COL6A6: variants seen among roughly 807,000 people sequenced by gnomAD.
The protein encoded by COL6A6 is collagen alpha-6(VI) chain.
In COL6A6, 183 loss-of-function variants were observed where a neutral mutation model predicts 208.6. The ratio of observed to expected loss-of-function variants is 0.88; its 90% CI spans 0.78 to 0.99. The LOEUF (loss-of-function observed/expected upper bound fraction) is 0.99, where lower values mean the gene tolerates loss of function less well. Among genes scored for constraint, COL6A6 ranks in the 50% least tolerant of loss-of-function variants. COL6A6 has a pLI of 0.00. For synonymous variants in COL6A6, 973 were observed against 1,011.8 expected, an observed-to-expected ratio of 0.96 and a Z score of 0.73; for missense variants, 2,816 against 2,815.2, an observed-to-expected ratio of 1.00 and a Z score of -0.01.
In COL6A6 at chr3:130,627,301, C is replaced by G. The variant is rs147960549; in HGVS notation, c.4942-18C>G. On this transcript the variant is annotated intron_variant, in intron 25 of 36. Transcript: ENST00000358511. ...ATCTGTAGTCTGGGATGTTGGTAAT[C>G]AATTGCTCTGTTTACAGGGCAATGA... 20 of 1,609,670 alleles carry G rather than the reference C, an allele frequency of 1.2e-5. No homozygotes were observed. The East Asian group carries it at 4.5e-4, about 36-fold the overall frequency.
Position 130,610,707 on chromosome 3 carries a change from C to G in COL6A6, c.4811C>G (p.Pro1604Arg), listed in dbSNP as rs2064331028. 12 of 1,581,110 alleles carry G rather than the reference C, an allele frequency of 7.6e-6. No individual in the cohort carries two copies. Among genetic ancestry groups the G allele is most frequent in the Admixed American group, 1.8e-5 (1 of 55,640 alleles). ...AAAGGAGGTGTGGGAAGTAAAGGTC[C>G]CCAGGTATGTAATGAGAAAAATGAT... Reference protein sequence around the residue: ...GEKGGVGSKGPQGPPGPGGEA... With the variant: ...GEKGGVGSKGRQGPPGPGGEA... The change falls in exon 23 of 37, where the codon CCC becomes CGC. Residue 1604 changes from proline to arginine, a missense_variant. Pro to Arg is a moderately radical substitution (Grantham distance 103). Coordinates refer to ENST00000358511, the MANE Select transcript of COL6A6 (RefSeq NM_001102608.3).
chr3:130,560,229 C>T, intron 1 of COL6A6, 105 bp from the exon 2 acceptor site: 1 of 607,896 alleles, frequency 1.6e-6, no homozygotes. Context: ...AATTCCTTGT[C>T]CCCTGTTACA....
intron 1 of COL6A6, among the ~76,000 whole-genome samples, chr3:130,556,931 C>G (rs549679233): frequency 6.6e-6 from 1 of 152,102 alleles, no homozygotes; most frequent in Non-Finnish European, 1.5e-5. Flanking sequence ...TCAAAACAGG[C>G]GTTCAGTGTT....
intron 29 of COL6A6, among the ~76,000 whole-genome samples, chr3:130,642,193 G>A (rs184370108): frequency 6.6e-6 from 1 of 151,240 alleles, no homozygotes; most frequent in Non-Finnish European, 1.5e-5. Context: ...GAACACATAA[G>A]ATTAAAACCA....
intron 3 of COL6A6, among the ~76,000 whole-genome samples, chr3:130,564,156 A>G (rs2062961910): frequency 6.6e-6 from 1 of 152,258 alleles, no homozygotes; most frequent in African/African-American, 2.4e-5. Flanking sequence ...GCCTTGGCCC[A>G]GGGGCCAGGC....
intron 12 of COL6A6, among the ~76,000 whole-genome samples, chr3:130,590,283 A>T (rs867092905): frequency 1.3e-4 from 2 of 15,970 alleles, no homozygotes; most frequent in Non-Finnish European, 2.3e-4. Context: ...ATATATATAT[A>T]TATATATATA....
intron 23 of COL6A6, among the ~76,000 whole-genome samples, chr3:130,619,355 C>T (rs745454902): frequency 6.6e-6 from 1 of 151,976 alleles, no homozygotes; most frequent in African/African-American, 2.4e-5. Context: ...AAAAATGGAC[C>T]AGCTGAGGGA....
rs2063230658 is a variant in COL6A6 at position 130,573,994 on chromosome 3, G to T, written c.3016G>T (p.Asp1006Tyr). 1.2e-6 allele frequency: 2 copies of T among 1,613,100 alleles called. No homozygotes were observed. Among genetic ancestry groups the T allele is most frequent in the Non-Finnish European group, 1.7e-6 (2 of 1,179,308 alleles). The change falls in exon 8 of 37, where the codon GAT becomes TAT. Residue 1006 changes from aspartate to tyrosine, a missense_variant. Physicochemically the swap from Asp to Tyr is radical, Grantham distance 160. Coordinates refer to ENST00000358511, the MANE Select transcript of COL6A6 (RefSeq NM_001102608.3). ...CAAAGTAGATCTTGTTTTCCTTATG[G>T]ATGGTTCAACTAGCATTCAGCCAAA... The part of the protein sequence containing the change: ...IDKVDLVFLM[D>Y]GSTSIQPNDF...
At position 130,621,169 on chromosome 3, in the gene COL6A6, G is replaced by A. The variant is rs141844003; in HGVS notation, c.4816-652G>A. Among the ~76,000 whole-genome samples, 549 of 152,166 alleles carry A rather than the reference G, an allele frequency of 3.6e-3. 4 individuals carry two copies. Among genetic ancestry groups the A allele is most frequent in the African/African-American group, 0.013 (522 of 41,526 alleles). On this transcript the variant is annotated intron_variant, in intron 23 of 36. Transcript: ENST00000358511. ...TAAGTTTTGCTATGTTCTTCAATAA[G>A]ATCTTAAGGCTTTCTTTCTTTAGGT... is the stretch of plus-strand genomic sequence containing the variant.
chr3:130,549,964 A>G (rs1412690409), intron 1 of COL6A6, among the ~76,000 whole-genome samples: 1 of 152,090 alleles, frequency 6.6e-6, no homozygotes, highest in African/African-American at 2.4e-5. Flanking sequence ...ATGTATTTCC[A>G]TTTGTTTGTG....
intron 10 of COL6A6, among the ~76,000 whole-genome samples, chr3:130,586,217 A>G (rs1223656786): frequency 2.6e-5 from 4 of 152,236 alleles, no homozygotes; most frequent in Non-Finnish European, 5.9e-5. Flanking sequence ...TTACTTTAGC[A>G]TGCTCTGTAG....
intron 11 of COL6A6, among the ~76,000 whole-genome samples, chr3:130,587,557 C>T (rs373106822): frequency 1.3e-5 from 2 of 152,208 alleles, no homozygotes; most frequent in African/African-American, 4.8e-5. Context: ...GTATTTCTTT[C>T]AAAAACATAC....
chr3:130,581,391 G>A (rs551550777), intron 8 of COL6A6, among the ~76,000 whole-genome samples, 170 bp from the exon 9 acceptor site: 1 of 152,242 alleles, frequency 6.6e-6, no homozygotes, highest in South Asian at 2.1e-4. Context: ...ACTTTTACAG[G>A]TTAGAAAAGA....
rs1205984876 is a variant in COL6A6 at position 130,570,876 on chromosome 3, T to C, written c.2460T>C (p.Ile820=). The C allele has an allele frequency of 6.2e-7, 1 of 1,613,984 alleles. No individual in the cohort carries two copies. Among genetic ancestry groups the C allele is most frequent in the East Asian group, 2.2e-5 (1 of 44,884 alleles). Residue 820 remains isoleucine, a synonymous_variant, in exon 7 of 37, where the codon ATT becomes ATC. Coordinates refer to ENST00000358511, the MANE Select transcript of COL6A6 (RefSeq NM_001102608.3). The part of the protein sequence containing the change: ...VVFVIDSSGS[I]DYDEYNIMKD... ...TTGTCATTGATAGCTCTGGCAGTATTGACTATGATGAGTATAATATCATGA... is the reference window on the plus strand; with the variant it reads ...TTGTCATTGATAGCTCTGGCAGTATCGACTATGATGAGTATAATATCATGA...
At chr3:130,658,794 T>C in intron 34 of COL6A6, 22 bp downstream of exon 34, 1 of 1,571,828 alleles carries the variant, frequency 6.4e-7, no homozygotes, top group Non-Finnish European at 8.7e-7. Flanking sequence ...AGAGAGAAGG[T>C]AATTTGGTCA....
intron 8 of COL6A6, 133 bp from the exon 9 acceptor site, chr3:130,581,428 C>A: frequency 1.7e-6 from 1 of 593,626 alleles, no homozygotes; most frequent in East Asian, 2.8e-5. Context: ...TTTCTTTATT[C>A]ATTTATGCCT....
intron 20 of COL6A6, among the ~76,000 whole-genome samples, chr3:130,601,574 T>A (rs1444880429): frequency 2.0e-5 from 3 of 152,240 alleles, no homozygotes; most frequent in Non-Finnish European, 4.4e-5. Context: ...TGTAAGGATG[T>A]ACTTTCACTG....
Position 130,574,398 on chromosome 3 carries a change from G to T in COL6A6, c.3420G>T (p.Val1140=). Residue 1140 remains valine (V), a synonymous_variant, in exon 8 of 37, where the codon GTG becomes GTT. Coordinates refer to ENST00000358511, the MANE Select transcript of COL6A6 (RefSeq NM_001102608.3). ...IDIYSVGIGD[V]DDQQLIQITG... ...TCTACTCCGTGGGCATTGGGGATGT[G>T]GATGACCAGCAGCTCATTCAGATCA... is the stretch of plus-strand genomic sequence containing the variant. 1.2e-6 allele frequency: 2 copies of T among 1,614,010 alleles called. No homozygotes were observed. The highest frequency in any genetic ancestry group is 1.7e-6 in the Non-Finnish European group (2 of 1,179,898).
intron 7 of COL6A6, among the ~76,000 whole-genome samples, chr3:130,573,184 T>C (rs768643878): frequency 1.3e-5 from 2 of 152,250 alleles, no homozygotes; most frequent in African/African-American, 2.4e-5. Flanking sequence ...AAATATTTAT[T>C]GGCTCAAATG....
Sources: allele counts gnomAD v4.1 joint callset (sites outside exome capture counted in the v4.1 genomes callset), GRCh38; gene constraint gnomAD v4.1.1; transcripts MANE v1.5; gene names NCBI Gene and HGNC (gene_info 2026-07-23, HGNC 2026-07-21).